Variants in SORL1 observed in about 807,000 individuals in gnomAD.
The protein encoded by SORL1 is sortilin related receptor 1.
A neutral mutation model predicts 273.7 loss-of-function variants in SORL1; 127 were observed. The ratio of observed to expected loss-of-function variants is 0.46; its 90% CI spans 0.40 to 0.54. The LOEUF (loss-of-function observed/expected upper bound fraction) is 0.54, where lower values mean the gene tolerates loss of function less well. Among genes scored for constraint, SORL1 ranks in the 20% least tolerant of loss-of-function variants. The pLI is 0.00. For synonymous variants in SORL1, 1,031 were observed against 1,067.4 expected (o/e 0.97, Z 0.66); for missense variants, 2,494 against 2,846.1 (o/e 0.88, Z 2.81).
intron 25 of SORL1, among the ~76,000 whole-genome samples, chr11:121,581,269 C>G (rs7116751): frequency 0.54 from 81,846 of 152,092 alleles, 23,758 homozygotes; most frequent in East Asian, 0.77. Flanking sequence ...CCCTGTTATA[C>G]TACTTATTTC....
intron 11 of SORL1, among the ~76,000 whole-genome samples, chr11:121,523,499 GTTGT>G (rs1591311177): frequency 6.6e-6 from 1 of 152,082 alleles, no homozygotes; most frequent in East Asian, 1.9e-4. Flanking sequence ...TTGCCTTAAG[GTTGT>G]ATAACTAATA....
intron 41 of SORL1, among the ~76,000 whole-genome samples, chr11:121,618,418 C>A (rs1863670052): frequency 6.6e-6 from 1 of 152,122 alleles, no homozygotes; most frequent in Non-Finnish European, 1.5e-5. Context: ...AATGACACCC[C>A]CTCTTTAATA....
intron 39 of SORL1, chr11:121,612,185 A>G (rs1281167430): frequency 6.6e-6 from 1 of 152,558 alleles, no homozygotes; most frequent in East Asian, 1.9e-4. Flanking sequence ...GTGGGCTTAT[A>G]TGCTTCTTGT....
At chr11:121,602,311 C>A (rs748274180) in intron 32 of SORL1, among the ~76,000 whole-genome samples, 1 of 152,178 alleles carries the variant, frequency 6.6e-6, no homozygotes, top group Non-Finnish European at 1.5e-5. Flanking sequence ...CTTCTATTGA[C>A]AATTTTTTAT....
chr11:121,583,670 A>T, intron 26 of SORL1, 87 bp downstream of exon 26: 3 of 1,436,084 alleles, frequency 2.1e-6, no homozygotes, highest in Non-Finnish European at 2.8e-6. Flanking sequence ...AGGGGATGAA[A>T]TGCTGTTCTC....
intron 39 of SORL1, chr11:121,612,323 G>T (rs1199286421): frequency 6.4e-6 from 1 of 156,326 alleles, no homozygotes; most frequent in Non-Finnish European, 1.4e-5. Flanking sequence ...TGTATTTTCT[G>T]TAGTTAGACA....
Position 121,460,394 on chromosome 11 carries a change from ATTTT to A in SORL1, c.285+7795_285+7798del, listed in dbSNP as rs781295199. Among the ~76,000 whole-genome samples the A allele has an allele frequency of 6.5e-5, 8 of 122,926 alleles. No homozygotes were observed. In the South Asian group the frequency reaches 1.0e-3, roughly 16 times the overall value. The allele number at this position is 122,926 out of a possible 152,430, so 80.6% of individuals were successfully genotyped here. A position where few individuals can be genotyped will look rare whatever the true frequency, so the allele number is the denominator to read the frequency against. On this transcript the variant is annotated intron_variant, in intron 1 of 47. Coordinates refer to ENST00000260197, the MANE Select transcript of SORL1 (RefSeq NM_003105.6). ...GAGCTGAGGTGTAGTGTCATGATGA[ATTTT>A]TTTTTTTTTTTTTTTTGAGACAGAG...
intron 31 of SORL1, among the ~76,000 whole-genome samples, chr11:121,594,614 T>C (rs546456553): frequency 1.3e-5 from 2 of 152,344 alleles, no homozygotes; most frequent in South Asian, 2.1e-4. Flanking sequence ...TATTCTTTCT[T>C]TCTGAACGTA....
chr11:121,537,861 A>C (rs934178640), intron 12 of SORL1, among the ~76,000 whole-genome samples: 1 of 152,144 alleles, frequency 6.6e-6, no homozygotes, highest in African/African-American at 2.4e-5. Flanking sequence ...TGCACAGTAG[A>C]TACTTCCTTT....
At position 121,514,221 on chromosome 11, in the gene SORL1, A is replaced by G. The variant is rs1020307880; in HGVS notation, c.1111A>G (p.Asn371Asp). The G allele has an allele frequency of 6.2e-7, 1 of 1,614,174 alleles. No individual in the cohort carries two copies. The highest frequency in any genetic ancestry group is 8.5e-7 in the Non-Finnish European group (1 of 1,180,022). ...VCVSHSNNRT[N>D]LYISEAEGLK... is the part of the protein sequence containing the mutation. ...TGTCAGCCACAGTAACAACCGCACC[A>G]ATTTATACATCTCAGAGGCAGAGGG... The change falls in exon 8 of 48, where the codon AAT becomes GAT. Residue 371 changes from asparagine to aspartate, a missense_variant. Coordinates refer to ENST00000260197, the MANE Select transcript of SORL1 (RefSeq NM_003105.6).
intron 1 of SORL1, among the ~76,000 whole-genome samples, chr11:121,456,250 A>G (rs922513476): frequency 6.6e-6 from 1 of 152,124 alleles, no homozygotes; most frequent in Non-Finnish European, 1.5e-5. Context: ...TATGGTGGGA[A>G]GAGTTTCTTC....
In SORL1 at chr11:121,550,441, C is replaced by G. The variant is rs1025009160; in HGVS notation, c.2181-144C>G. On this transcript the variant is annotated intron_variant, in intron 15 of 47. Coordinates refer to ENST00000260197, the MANE Select transcript of SORL1 (RefSeq NM_003105.6). The surrounding 1 kb of genome is among the most constrained non-coding windows in gnomAD (Gnocchi z 5.3). ...AATTATAAGGAGAACTGACTCAGAA[C>G]TACGAACATCCTCTTTCTAGTTCTA... The G allele has an allele frequency of 4.1e-5, 32 of 772,316 alleles. No homozygotes were observed. Among genetic ancestry groups the G allele is most frequent in the Non-Finnish European group, 6.9e-5 (31 of 447,470 alleles). The allele number at this position is 772,316 out of a possible 1,614,324, so 47.8% of individuals were successfully genotyped here. A position where few individuals can be genotyped will look rare whatever the true frequency, so the allele number is the denominator to read the frequency against.
At chr11:121,621,349 A>G in intron 44 of SORL1, 111 bp downstream of exon 44, 4 of 943,642 alleles carry the variant, frequency 4.2e-6, no homozygotes, top group Non-Finnish European at 6.3e-6. Context: ...AGGGAGTGCA[A>G]ACGCTGCCCT....
In SORL1 at chr11:121,576,627, T is replaced by G. The variant is rs1052857781; in HGVS notation, c.3461-654T>G. The G allele has an allele frequency of 1.2e-5, 7 of 570,418 alleles. No homozygotes were observed. The East Asian group carries it at 1.7e-4, about 14-fold the overall frequency. 35.3% of individuals were successfully genotyped at this position (570,418 alleles called of 1,614,324 possible). A position where few individuals can be genotyped will look rare whatever the true frequency, so the allele number is the denominator to read the frequency against. ...CCTATAGCATTCTGTCTTCATGATC[T>G]CCCCAGGAGCTTTGAAGGCTATTGC... is the stretch of plus-strand genomic sequence containing the variant. On this transcript the variant is annotated intron_variant, in intron 24 of 47. Transcript: ENST00000260197.
chr11:121,552,054 TTTCTC>T (rs1388739973), intron 16 of SORL1, among the ~76,000 whole-genome samples: 2 of 152,164 alleles, frequency 1.3e-5, no homozygotes, highest in African/African-American at 4.8e-5. Flanking sequence ...GGAAAGCTAT[TTTCTC>T]TTCTACTGGA....
chr11:121,593,750 GTT>G (rs1042687320), intron 31 of SORL1, among the ~76,000 whole-genome samples: 2 of 152,140 alleles, frequency 1.3e-5, no homozygotes, highest in Admixed American at 1.3e-4. Context: ...GTTTGTATTG[GTT>G]GCCCTGTATA....
At chr11:121,486,535 A>G (rs1861474982) in intron 3 of SORL1, among the ~76,000 whole-genome samples, 1 of 141,226 alleles carries the variant, frequency 7.1e-6, no homozygotes, top group African/African-American at 2.7e-5. Context: ...GCTGGAGTGT[A>G]GTGGCACGCT....
chr11:121,548,427 G>A (rs1259578475), intron 14 of SORL1, among the ~76,000 whole-genome samples: 2 of 152,240 alleles, frequency 1.3e-5, no homozygotes, highest in East Asian at 3.8e-4. Context: ...ATTTGATACA[G>A]TGACAAAACT....
intron 33 of SORL1, among the ~76,000 whole-genome samples, 183 bp downstream of exon 33, chr11:121,604,507 A>G (rs79045172): frequency 2.8e-4 from 42 of 152,174 alleles, no homozygotes; most frequent in Non-Finnish European, 5.0e-4. Flanking sequence ...AGACTCTGAT[A>G]CAACATGCAG....
Sources: gnomAD v4.1 joint callset for allele counts (sites outside exome capture counted in the v4.1 genomes callset) on GRCh38, gnomAD v4.1.1 for gene constraint, Gnocchi (gnomAD v3.1) non-coding constraint, MANE v1.5 for transcripts, NCBI Gene and HGNC (gene_info 2026-07-23, HGNC 2026-07-21) for gene names.